The following ALK variants were observed in gnomAD, a reference collection of about 807,000 sequenced individuals.
ALK encodes the protein ALK tyrosine kinase receptor.
A neutral mutation model predicts 163.1 loss-of-function variants in ALK; 74 were observed. That is an observed-to-expected ratio of 0.45 (90% CI 0.38 to 0.55). The LOEUF is 0.55. Among genes scored for constraint, ALK ranks in the 20% least tolerant of loss-of-function variants. The pLI, the probability that ALK is intolerant of heterozygous loss-of-function variation, is 0.00. For missense variants in ALK, 2,063 were observed against 2,105.3 expected, an observed-to-expected ratio of 0.98 and a Z score of 0.39; for synonymous variants, 960 against 843.2, an observed-to-expected ratio of 1.14 and a Z score of -2.40.
At chr2:29,877,134 C>T (rs1193121595) in intron 1 of ALK, among the ~76,000 whole-genome samples, 1 of 152,234 alleles carries the variant, frequency 6.6e-6, no homozygotes, top group African/African-American at 2.4e-5. Flanking sequence ...TGTGGTATCA[C>T]ATTTGCATAT....
At chr2:29,914,064 C>T (rs1655494698) in intron 1 of ALK, among the ~76,000 whole-genome samples, 1 of 152,126 alleles carries the variant, frequency 6.6e-6, no homozygotes, top group African/African-American at 2.4e-5. Context: ...TAAAGTTAAG[C>T]CTTGGTTTCC....
At chr2:29,623,738 G>A (rs1236006681) in intron 3 of ALK, among the ~76,000 whole-genome samples, 4 of 152,070 alleles carry the variant, frequency 2.6e-5, no homozygotes, top group East Asian at 3.8e-4. Context: ...AAATGCTATC[G>A]CTTTTTTAAG....
intron 4 of ALK, among the ~76,000 whole-genome samples, chr2:29,519,498 G>A (rs749993075): frequency 1.3e-5 from 2 of 152,182 alleles, no homozygotes; most frequent in Non-Finnish European, 2.9e-5. Context: ...AAATACAGGA[G>A]TTTTTATTTC....
intron 1 of ALK, among the ~76,000 whole-genome samples, chr2:29,822,403 A>G (rs1476125007): frequency 1.3e-5 from 2 of 152,226 alleles, no homozygotes; most frequent in Admixed American, 6.5e-5. Context: ...GACAGAGGAA[A>G]TGGGAAATTC....
At chr2:29,480,500 AT>A (rs1330404984) in intron 4 of ALK, among the ~76,000 whole-genome samples, 1 of 152,176 alleles carries the variant, frequency 6.6e-6, no homozygotes, top group Non-Finnish European at 1.5e-5. Flanking sequence ...GCTGAGTTAA[AT>A]GGGACTGTTT....
intron 5 of ALK, among the ~76,000 whole-genome samples, chr2:29,351,164 C>T (rs1300088158): frequency 2.6e-5 from 4 of 152,198 alleles, no homozygotes. Context: ...ATTGTGGCTT[C>T]TATTTTGAAT....
chr2:29,399,582 G>A (rs2148314061), intron 4 of ALK, among the ~76,000 whole-genome samples: 1 of 152,274 alleles, frequency 6.6e-6, no homozygotes, highest in East Asian at 1.9e-4. Context: ...GGATTTCTAG[G>A]CTGGCACTCC....
chr2:29,861,453 C>T (rs1221573084), intron 1 of ALK, among the ~76,000 whole-genome samples: 1 of 152,014 alleles, frequency 6.6e-6, no homozygotes, highest in Non-Finnish European at 1.5e-5. Flanking sequence ...AGGAGAATTA[C>T]AATTAATACC....
At chr2:29,450,908 T>C (rs779083416) in intron 4 of ALK, among the ~76,000 whole-genome samples, 7 of 152,134 alleles carry the variant, frequency 4.6e-5, no homozygotes, top group Non-Finnish European at 8.8e-5. Context: ...CCCTGACATA[T>C]GAAGTGAGAG....
chr2:29,462,092 T>G (rs1671098031), intron 4 of ALK, among the ~76,000 whole-genome samples: 1 of 152,118 alleles, frequency 6.6e-6, no homozygotes, highest in Non-Finnish European at 1.5e-5. Flanking sequence ...ACTCCAAAGA[T>G]GTGTCTGAAT....
At chr2:29,615,863 C>T (rs2148224972) in intron 3 of ALK, among the ~76,000 whole-genome samples, 1 of 152,350 alleles carries the variant, frequency 6.6e-6, no homozygotes, top group Non-Finnish European at 1.5e-5. Flanking sequence ...ACCTTTTGCA[C>T]TTCACCCCAG....
chr2:29,544,060 AATC>A (rs1673485210), intron 3 of ALK, among the ~76,000 whole-genome samples: 1 of 152,222 alleles, frequency 6.6e-6, no homozygotes, highest in East Asian at 1.9e-4. Flanking sequence ...TAAACTATTA[AATC>A]ATTATTATCT....
intron 4 of ALK, among the ~76,000 whole-genome samples, chr2:29,490,200 A>G (rs1252019232): frequency 6.6e-6 from 1 of 152,204 alleles, no homozygotes; most frequent in Admixed American, 6.5e-5. Context: ...GGAGCTAGAG[A>G]TAGGGAAGAG....
At chr2:29,540,365 A>G (rs1673380284) in intron 3 of ALK, among the ~76,000 whole-genome samples, 1 of 152,120 alleles carries the variant, frequency 6.6e-6, no homozygotes, top group Admixed American at 6.5e-5. Flanking sequence ...TTGGCTTTCT[A>G]GCCTCGAGGT....
chr2:29,641,215 C>A (rs1277465697), intron 3 of ALK, among the ~76,000 whole-genome samples: 2 of 151,928 alleles, frequency 1.3e-5, no homozygotes, highest in African/African-American at 4.8e-5. Flanking sequence ...GTTCACAGTT[C>A]TGATGATCAC....
At chr2:29,567,794 G>A (rs1053547271) in intron 3 of ALK, among the ~76,000 whole-genome samples, 4 of 152,068 alleles carry the variant, frequency 2.6e-5, no homozygotes, top group Admixed American at 6.6e-5. Flanking sequence ...ATCCCATTCC[G>A]TTTCTAAGAA....
At chr2:29,591,180 A>AC (rs1553336168) in intron 3 of ALK, among the ~76,000 whole-genome samples, 6 of 150,674 alleles carry the variant, frequency 4.0e-5, no homozygotes, top group Non-Finnish European at 5.9e-5. Flanking sequence ...TCATGGAATA[A>AC]TTTTTTTTTC....
intron 4 of ALK, among the ~76,000 whole-genome samples, chr2:29,410,217 A>C (rs573261590): frequency 1.3e-5 from 2 of 152,074 alleles, no homozygotes; most frequent in East Asian, 3.9e-4. Context: ...GCTTAGGGCA[A>C]CCCTGCCTCC....
intron 8 of ALK, among the ~76,000 whole-genome samples, chr2:29,303,039 G>C (rs1666413264): frequency 6.6e-6 from 1 of 152,080 alleles, no homozygotes; most frequent in Admixed American, 6.6e-5. Context: ...TAACTAAAGA[G>C]CTTCTGCACA....
Sources: allele counts gnomAD v4.1 joint callset (sites outside exome capture counted in the v4.1 genomes callset), GRCh38; gene constraint gnomAD v4.1.1; transcripts MANE v1.5; gene names NCBI Gene and HGNC (gene_info 2026-07-23, HGNC 2026-07-21).